NCOR2: variants seen among roughly 807,000 people sequenced by gnomAD.
The protein encoded by NCOR2 is CTG repeat protein 26.
In NCOR2, 81 loss-of-function variants were observed where a neutral mutation model predicts 262.9. The ratio of observed to expected loss-of-function variants is 0.31; its 90% CI spans 0.26 to 0.37. NCOR2 has a LOEUF of 0.37. Among genes scored for constraint, NCOR2 ranks in the 10% least tolerant of loss-of-function variants. The probability of loss-of-function intolerance (pLI) is 1.00; values close to 1 mark genes in which losing one functional copy is unlikely to be tolerated. For missense variants in NCOR2, 3,385 were observed against 3,621.4 expected (o/e 0.93, Z 1.68); for synonymous variants, 1,659 against 1,559.3 (o/e 1.06, Z -1.51).
At chr12:124,368,245 T>C (rs1344645530) in intron 20 of NCOR2, among the ~76,000 whole-genome samples, 5 of 152,096 alleles carry the variant, frequency 3.3e-5, no homozygotes, top group Non-Finnish European at 7.4e-5. Flanking sequence ...TCACTGTCAT[T>C]TTCCTTCCCA....
intron 22 of NCOR2, among the ~76,000 whole-genome samples, chr12:124,358,629 C>G (rs1029316442): frequency 6.6e-6 from 1 of 152,306 alleles, no homozygotes; most frequent in South Asian, 2.1e-4. Flanking sequence ...GAGGTACAGA[C>G]ACACCAATGG....
chr12:124,354,915 G>A, exon 25 of NCOR2: 3 of 1,613,028 alleles, frequency 1.9e-6, no homozygotes, highest in Non-Finnish European at 2.5e-6. Context: ...TCTGAGTACG[G>A]GACGTGGAGC....
intron 37 of NCOR2, among the ~76,000 whole-genome samples, chr12:124,338,614 G>A (rs1376468514): frequency 6.6e-6 from 1 of 151,822 alleles, no homozygotes; most frequent in Non-Finnish European, 1.5e-5. Context: ...TGTCACCAGA[G>A]GGCACTCAGG....
chr12:124,545,764 G>A (rs953285664), intron 1 of NCOR2, among the ~76,000 whole-genome samples: 2 of 152,150 alleles, frequency 1.3e-5, no homozygotes, highest in African/African-American at 4.8e-5. Context: ...GCCGCCCCGT[G>A]CTGGGAAGTT....
chr12:124,345,606 T>C (rs950630029), intron 31 of NCOR2, among the ~76,000 whole-genome samples: 12 of 152,218 alleles, frequency 7.9e-5, no homozygotes, highest in African/African-American at 2.7e-4. Context: ...TTCATTACTG[T>C]CGTAAGAAGG....
Position 124,337,046 on chromosome 12 carries a change from CG to C in NCOR2, c.5821del (p.Arg1941GlyfsTer41). 2 of 1,495,180 alleles carry C rather than the reference CG, an allele frequency of 1.3e-6. No homozygotes were observed. Among genetic ancestry groups the C allele is most frequent in the Non-Finnish European group, 1.8e-6 (2 of 1,123,880 alleles). The allele number at this position is 1,495,180 out of a possible 1,614,324, so 92.6% of individuals were successfully genotyped here. On this transcript the variant is annotated frameshift_variant, in exon 38 of 47. Coordinates refer to ENST00000405201, the Ensembl canonical transcript of NCOR2. LOFTEE classifies it high-confidence loss of function. The stretch of plus-strand genomic sequence containing the variant: ...TCGGGGCCGCTCTGGCCGGGCGACC[CG>C]GGGGGCCTCCTTGGGCAGCAAGACG...
At chr12:124,451,948 C>T (rs2136515370) in intron 6 of NCOR2, among the ~76,000 whole-genome samples, 1 of 152,212 alleles carries the variant, frequency 6.6e-6, no homozygotes, top group African/African-American at 2.4e-5. Flanking sequence ...CAGATCCCCT[C>T]CTAGAGAATT....
intron 1 of NCOR2, among the ~76,000 whole-genome samples, chr12:124,492,695 T>C (rs2048156509): frequency 6.6e-6 from 1 of 152,144 alleles, no homozygotes; most frequent in African/African-American, 2.4e-5. Context: ...TCTTTCGAAC[T>C]GGGTCTTGCC....
At chr12:124,521,063 T>G (rs1358857832) in intron 1 of NCOR2, among the ~76,000 whole-genome samples, 1 of 152,092 alleles carries the variant, frequency 6.6e-6, no homozygotes. Flanking sequence ...GCCTGCTGCC[T>G]CTCTCGCAAC....
chr12:124,519,089 T>TACACACACACACATACACACACAC (rs2050019133), intron 1 of NCOR2, among the ~76,000 whole-genome samples: 1 of 97,268 alleles, frequency 1.0e-5, no homozygotes, highest in Non-Finnish European at 2.2e-5. Flanking sequence ...GGCCAAATAA[T>TACACACACACACATACACACACAC]ACACACACAC....
chr12:124,425,192 G>A (rs1380885787), intron 11 of NCOR2, among the ~76,000 whole-genome samples: 2 of 152,126 alleles, frequency 1.3e-5, no homozygotes, highest in Non-Finnish European at 2.9e-5. Flanking sequence ...GGCTAACATG[G>A]TGAAACCCCA....
At chr12:124,437,818 C>T in intron 8 of NCOR2, 112 bp downstream of exon 10, 1 of 953,544 alleles carries the variant, frequency 1.0e-6, no homozygotes, top group Non-Finnish European at 1.5e-6. Flanking sequence ...CCTGGACACT[C>T]AGGGAGGACA....
chr12:124,333,430 G>A, intron 41 of NCOR2, 151 bp from the exon 44 acceptor site: 2 of 603,630 alleles, frequency 3.3e-6, no homozygotes, highest in Non-Finnish European at 5.1e-6. Context: ...AGTAATCTCT[G>A]GCATGTATCG....
In NCOR2 at chr12:124,525,407, C is replaced by A. The variant is rs186745826; in HGVS notation, c.-118+10158G>T. Among the ~76,000 whole-genome samples the A allele has an allele frequency of 8.9e-4, 135 of 152,370 alleles. 1 individual carries two copies. The highest frequency in any genetic ancestry group is 3.2e-3 in the African/African-American group (131 of 41,582). On this transcript the variant is annotated intron_variant, in intron 1 of 46. Coordinates refer to the NCOR2 transcript ENST00000404621. ...TGTATTATTTCACAGGCAGCATTTT[C>A]TTGCCTTGCAAAATCGTGTTTGTTT...
chr12:124,527,186 T>C (rs922926086), intron 1 of NCOR2, among the ~76,000 whole-genome samples: 2 of 152,018 alleles, frequency 1.3e-5, no homozygotes, highest in African/African-American at 4.8e-5. Context: ...TGCTGAAGGG[T>C]AGATGACAAA....
intron 10 of NCOR2, among the ~76,000 whole-genome samples, chr12:124,428,949 A>C (rs987338282): frequency 2.0e-5 from 3 of 152,154 alleles, no homozygotes; most frequent in Non-Finnish European, 4.4e-5. Context: ...GAACAGGCTG[A>C]CACCAACTTC....
At position 124,378,692 on chromosome 12, in the gene NCOR2, C is replaced by G. The variant is rs576710532; in HGVS notation, c.2020-308G>C. Among the ~76,000 whole-genome samples, 1 of 152,316 alleles carries G rather than the reference C, an allele frequency of 6.6e-6. No individual in the cohort carries two copies. Among genetic ancestry groups the G allele is most frequent in the East Asian group, 1.9e-4 (1 of 5,182 alleles). On this transcript the variant is annotated intron_variant, in intron 17 of 46. Transcript: ENST00000405201. This position sits in a 1 kb window ranked among gnomAD's most constrained non-coding sequence, Gnocchi z 4.2. ...TTGCCCAGGAGTCTCCTAGTCAGAG[C>G]GAGTGACCACGCCTCCTGGGGACAC... is the stretch of plus-strand genomic sequence containing the variant.
chr12:124,388,891 AG>A, intron 16 of NCOR2: 1 of 155,816 alleles, frequency 6.4e-6, no homozygotes, highest in Non-Finnish European at 1.2e-5. Flanking sequence ...GGAGGGAGGG[AG>A]GGAGCGAGGG....
chr12:124,492,177 C>T (rs559051928), intron 1 of NCOR2, among the ~76,000 whole-genome samples: 2 of 152,354 alleles, frequency 1.3e-5, no homozygotes, highest in African/African-American at 4.8e-5. Flanking sequence ...CTGTGGTTCC[C>T]CAGGGGGAAG....
Sources: allele counts gnomAD v4.1 joint callset (sites outside exome capture counted in the v4.1 genomes callset), GRCh38; gene constraint gnomAD v4.1.1; non-coding constraint Gnocchi (gnomAD v3.1); transcripts MANE v1.5; gene names NCBI Gene and HGNC (gene_info 2026-07-23, HGNC 2026-07-21).